The following TRIB2 variants were observed in gnomAD, a reference collection of about 807,000 sequenced individuals.
TRIB2 encodes the protein tribbles homolog 2.
TRIB2 carries 2 observed loss-of-function variants against 26.8 expected under a neutral mutation model. The observed-to-expected ratio is 0.07, with a 90% CI of 0.03 to 0.24. The LOEUF (loss-of-function observed/expected upper bound fraction) is 0.24. Ranked by LOEUF, TRIB2 falls within the 10% of genes least tolerant of loss-of-function variation. The probability of loss-of-function intolerance (pLI) is 1.00; values close to 1 mark genes in which losing one functional copy is unlikely to be tolerated. For missense variants in TRIB2, 306 were observed against 449.0 expected (o/e 0.68, Z 2.88); for synonymous variants, 189 against 187.3 (o/e 1.01, Z -0.08).
intron 2 of TRIB2, among the ~76,000 whole-genome samples, chr2:12,726,625 ACCACAGAGT>A (rs1661345387): frequency 6.6e-6 from 1 of 152,250 alleles, no homozygotes; most frequent in African/African-American, 2.4e-5. Flanking sequence ...GGAAAGCTAA[ACCACAGAGT>A]TAATGTCTGT....
intron 1 of TRIB2, among the ~76,000 whole-genome samples, chr2:12,722,894 C>T (rs1320698472): frequency 6.6e-6 from 1 of 152,126 alleles, no homozygotes; most frequent in African/African-American, 2.4e-5. Flanking sequence ...ACTTTCTCTC[C>T]AATTTTGCCT....
rs144503903 is a variant in TRIB2, at chr2:12,730,850, T to A, written c.563+7298T>A. The stretch of plus-strand genomic sequence containing the variant: ...AATGTTGTTTTCTACTCAATACTCT[T>A]GGGAGTTTCTCTAAATCATGAAACC... On this transcript the variant is annotated intron_variant, in intron 2 of 2. Coordinates refer to ENST00000155926, the MANE Select transcript of TRIB2 (RefSeq NM_021643.4). Among the ~76,000 whole-genome samples the A allele has an allele frequency of 2.8e-3, 431 of 152,332 alleles. 2 individuals carry two copies. Among genetic ancestry groups the A allele is most frequent in the Middle Eastern group, 0.01 (3 of 294 alleles).
At position 12,732,551 on chromosome 2, in the gene TRIB2, G is replaced by A. The variant is rs1242978451; in HGVS notation, c.564-7775G>A. On this transcript the variant is annotated intron_variant, in intron 2 of 2. Coordinates refer to ENST00000155926, the MANE Select transcript of TRIB2 (RefSeq NM_021643.4). This position sits in a 1 kb window ranked among gnomAD's most constrained non-coding sequence, Gnocchi z 4.2. ...AATTTGTGGGCCATTTGAGGTAGGA[G>A]TTGGGGTGGTTCACTGACTCTCCAA... is the stretch of plus-strand genomic sequence containing the variant. Among the ~76,000 whole-genome samples the A allele has an allele frequency of 6.6e-6, 1 of 152,242 alleles. No individual in the cohort carries two copies. The highest frequency in any genetic ancestry group is 2.4e-5 in the African/African-American group (1 of 41,466).
chr2:12,740,380 T>C lies in TRIB2; in HGVS notation c.618T>C (p.Asp206=). The C allele has an allele frequency of 6.2e-7, 1 of 1,614,164 alleles. No individual in the cohort carries two copies. Among genetic ancestry groups the C allele is most frequent in the African/African-American group, 1.3e-5 (1 of 75,036 alleles). ...ACGCCTACATTCTGCGGGGAGATGATGATTCCCTCTCCGACAAGCATGGCT... is the reference window on the plus strand; with the variant it reads ...ACGCCTACATTCTGCGGGGAGATGACGATTCCCTCTCCGACAAGCATGGCT... ...LEDAYILRGD[D]DSLSDKHGCP... is the part of the protein sequence containing the mutation. Residue 206 remains aspartate, a synonymous_variant, in exon 3 of 3, where the codon GAT becomes GAC. Transcript: ENST00000155926. This position sits in a 1 kb window ranked among gnomAD's most constrained non-coding sequence, Gnocchi z 5.8.
At position 12,740,331 on chromosome 2, in the gene TRIB2, G is replaced by A. The variant is rs372273948; in HGVS notation, c.569G>A (p.Arg190Gln). ...GTTTTCCTCCTTTCTTGCAGGACTC[G>A]GGTCAAGCTGGAAAGCCTGGAAGAC... Reference protein sequence around the residue: ...KFIFKDEERTRVKLESLEDAY... With the variant: ...KFIFKDEERTQVKLESLEDAY... The change falls in exon 3 of 3, where the codon CGG becomes CAG. Residue 190 changes from arginine (R) to glutamine (Q), a missense_variant. This residue lies in a region of TRIB2 where 118 missense variants were observed against 188.8 expected (regional missense o/e 0.63). Coordinates refer to ENST00000155926, the MANE Select transcript of TRIB2 (RefSeq NM_021643.4). The surrounding 1 kb of genome is among the most constrained non-coding windows in gnomAD (Gnocchi z 5.8). The A allele has an allele frequency of 3.7e-6, 6 of 1,612,656 alleles. No homozygotes were observed. In the South Asian group the frequency reaches 4.4e-5, roughly 12 times the overall value.
chr2:12,719,424 G>A (rs1666676177), intron 1 of TRIB2, among the ~76,000 whole-genome samples: 1 of 152,048 alleles, frequency 6.6e-6, no homozygotes. Flanking sequence ...ATGTGTGTCT[G>A]TGTATCTTTG....
At position 12,740,467 on chromosome 2, in the gene TRIB2, C is replaced by G; in HGVS notation, c.705C>G (p.Ala235=). Residue 235 remains alanine (A), a synonymous_variant, in exon 3 of 3, where the codon GCC becomes GCG. Transcript: ENST00000155926. The surrounding 1 kb of genome is among the most constrained non-coding windows in gnomAD (Gnocchi z 5.8). ...NTSGSYSGKA[A]DVWSLGVMLY... Reference sequence around the variant, plus strand: ...GTGGCAGCTACTCGGGCAAAGCAGCCGACGTGTGGAGCCTGGGGGTGATGC... The same window carrying G: ...GTGGCAGCTACTCGGGCAAAGCAGCGGACGTGTGGAGCCTGGGGGTGATGC... 6.2e-7 allele frequency: 1 copy of G among 1,614,122 alleles called. No homozygotes were observed. Among genetic ancestry groups the G allele is most frequent in the Non-Finnish European group, 8.5e-7 (1 of 1,180,016 alleles).
rs1311451391 is a variant in TRIB2, at chr2:12,723,320, A to G, written c.331A>G (p.Ser111Gly). Reference sequence around the variant, plus strand: ...ACCGTGCTTTTGCCTGTCTGCTCATAGTAACATCAACCAAATCACTGAAAT... The same window carrying G: ...ACCGTGCTTTTGCCTGTCTGCTCATGGTAACATCAACCAAATCACTGAAAT... The part of the protein sequence containing the change: ...LAPCFCLSAH[S>G]NINQITEIIL... Residue 111 changes from serine (S) to glycine (G), a missense_variant, in exon 2 of 3, where the codon AGT (serine) becomes GGT (glycine). Physicochemically the swap from Ser to Gly is moderately conservative, Grantham distance 56. Coordinates refer to ENST00000155926, the MANE Select transcript of TRIB2 (RefSeq NM_021643.4). The G allele has an allele frequency of 1.9e-6, 3 of 1,614,240 alleles. No homozygotes were observed. The highest frequency in any genetic ancestry group is 2.7e-5 in the African/African-American group (2 of 75,074).
intron 2 of TRIB2, among the ~76,000 whole-genome samples, chr2:12,726,037 AT>A (rs1012717455): frequency 6.6e-6 from 1 of 152,246 alleles, no homozygotes; most frequent in Non-Finnish European, 1.5e-5. Flanking sequence ...AAATCCTGTC[AT>A]TCCATCGAGA....
chr2:12,723,325 C>T lies in TRIB2; in HGVS notation c.336C>T (p.Asn112=). 6.2e-7 allele frequency: 1 copy of T among 1,614,256 alleles called. No homozygotes were observed. The highest frequency in any genetic ancestry group is 8.5e-7 in the Non-Finnish European group (1 of 1,180,050). The change falls in exon 2 of 3, where the codon AAC becomes AAT. Residue 112 remains asparagine (N), a synonymous_variant. Coordinates refer to ENST00000155926, the MANE Select transcript of TRIB2 (RefSeq NM_021643.4). ...GCTTTTGCCTGTCTGCTCATAGTAA[C>T]ATCAACCAAATCACTGAAATTATCC... ...APCFCLSAHS[N]INQITEIILG...
intron 2 of TRIB2, among the ~76,000 whole-genome samples, chr2:12,733,378 T>C (rs997663301): frequency 5.9e-5 from 9 of 152,206 alleles, no homozygotes; most frequent in African/African-American, 2.2e-4. Context: ...AGTTTTTCTT[T>C]CTTTGGCCCT....
At chr2:12,734,395 G>A (rs1661524523) in intron 2 of TRIB2, among the ~76,000 whole-genome samples, 1 of 152,142 alleles carries the variant, frequency 6.6e-6, no homozygotes, top group Admixed American at 6.5e-5. Context: ...TGGGCACAGA[G>A]CTGGGGAAAA....
At position 12,742,686 on chromosome 2, in the gene TRIB2, T is replaced by G. The variant is rs1661737063; in HGVS notation, c.*1892T>G. The G allele has an allele frequency of 2.5e-5, 3 of 120,472 alleles. No homozygotes were observed. The allele number at this position is 120,472 out of a possible 1,614,324, so 7.5% of individuals were successfully genotyped here. ...CTTTGTCCTGTATTTGGTTTAATGT[T>G]TTTGTCCTAATCTCTTCAATCAATA... is the stretch of plus-strand genomic sequence containing the variant. On this transcript the variant is annotated 3_prime_UTR_variant, in exon 3 of 3. Transcript: ENST00000155926.
At chr2:12,724,738 A>G (rs1156621867) in intron 2 of TRIB2, 4 of 1,612,636 alleles carry the variant, frequency 2.5e-6, no homozygotes, top group Non-Finnish European at 3.4e-6. Context: ...TACCAGCCTC[A>G]TATTTCTCCT....
Position 12,737,698 on chromosome 2 carries a change from G to A in TRIB2, c.564-2628G>A, listed in dbSNP as rs554032711. On this transcript the variant is annotated intron_variant, in intron 2 of 2. Coordinates refer to ENST00000155926, the MANE Select transcript of TRIB2 (RefSeq NM_021643.4). ...GAGCACACAAAAAAGGGAGAGATGGGTATTACAGAATCCCAGAATGATAAA... is the reference window on the plus strand; with the variant it reads ...GAGCACACAAAAAAGGGAGAGATGGATATTACAGAATCCCAGAATGATAAA... Among the ~76,000 whole-genome samples, 6 of 152,314 alleles carry A rather than the reference G, an allele frequency of 3.9e-5. 1 individual carries two copies. The South Asian group carries it at 1.2e-3, about 32-fold the overall frequency.
At chr2:12,725,013 C>T (rs909032447) in intron 2 of TRIB2, among the ~76,000 whole-genome samples, 17 of 152,192 alleles carry the variant, frequency 1.1e-4, no homozygotes, top group Non-Finnish European at 2.4e-4. Flanking sequence ...AAGTGAATGT[C>T]ATCATGTCCA....
chr2:12,736,431 C>T lies in TRIB2; in HGVS notation c.564-3895C>T, dbSNP rs1188895148. Among the ~76,000 whole-genome samples the T allele has an allele frequency of 2.0e-5, 3 of 151,676 alleles. No homozygotes were observed. In the East Asian group the frequency reaches 5.9e-4, roughly 30 times the overall value. The stretch of plus-strand genomic sequence containing the variant: ...GAAATTCAAGTCCCTGTAGTCATAT[C>T]TCCCTCCCACCTTTACTGACAGATG... On this transcript the variant is annotated intron_variant, in intron 2 of 2. Coordinates refer to ENST00000155926, the MANE Select transcript of TRIB2 (RefSeq NM_021643.4).
chr2:12,721,460 G>A (rs973920016), intron 1 of TRIB2, among the ~76,000 whole-genome samples: 3 of 152,174 alleles, frequency 2.0e-5, no homozygotes, highest in Non-Finnish European at 4.4e-5. Flanking sequence ...CAGTGTTTAC[G>A]TTAGCCACTG....
In TRIB2 at chr2:12,723,495, G is replaced by T. The variant is rs1163159760; in HGVS notation, c.506G>T (p.Gly169Val). 1.2e-6 allele frequency: 2 copies of T among 1,614,184 alleles called. No individual in the cohort carries two copies. Among genetic ancestry groups the T allele is most frequent in the African/African-American group, 2.7e-5 (2 of 75,046 alleles). ...TCGGCAGTGGCCCACTGCCATGACG[G>T]GGGGCTGGTGCTGCGGGACCTCAAG... ...IASAVAHCHDGGLVLRDLKLR... is the reference protein window; with the variant it reads ...IASAVAHCHDVGLVLRDLKLR... The change falls in exon 2 of 3, where the codon GGG becomes GTG. Residue 169 changes from glycine (G) to valine (V), a missense_variant. By Grantham distance (109) the Gly-to-Val change is moderately radical. Transcript: ENST00000155926.
Sources: gnomAD v4.1 joint callset for allele counts (sites outside exome capture counted in the v4.1 genomes callset) on GRCh38, gnomAD v4.1.1 for gene constraint, gnomAD v4.1.1 regional missense constraint, Gnocchi (gnomAD v3.1) non-coding constraint, MANE v1.5 for transcripts, NCBI Gene and HGNC (gene_info 2026-07-23, HGNC 2026-07-21) for gene names.